The following UNC80 variants were observed in gnomAD, a reference collection of about 807,000 sequenced individuals.
The protein encoded by UNC80 is protein unc-80 homolog.
Under a neutral mutation model 384.6 loss-of-function variants are expected in UNC80, and 164 were observed. The observed-to-expected ratio is 0.43, with a 90% confidence interval of 0.38 to 0.49. The LOEUF (loss-of-function observed/expected upper bound fraction) is 0.49, where lower values mean the gene tolerates loss of function less well. Among genes scored for constraint, UNC80 ranks in the 20% least tolerant of loss-of-function variants. UNC80 has a pLI of 0.00. For synonymous variants in UNC80, 1,486 were observed against 1,527.8 expected (o/e 0.97, Z 0.64); for missense variants, 3,330 against 4,143.0 (o/e 0.80, Z 5.39).
chr2:209,898,142 A>T (rs570247857), intron 28 of UNC80, among the ~76,000 whole-genome samples: 1 of 151,994 alleles, frequency 6.6e-6, no homozygotes, highest in Admixed American at 6.6e-5. Context: ...AGAGTTTTTC[A>T]ATTTTGTCTT....
At chr2:209,916,977 G>T (rs1311917373) in intron 31 of UNC80, among the ~76,000 whole-genome samples, 1 of 152,070 alleles carries the variant, frequency 6.6e-6, no homozygotes, top group African/African-American at 2.4e-5. Context: ...AAAGAAAATC[G>T]CAAGCTAAGA....
chr2:209,824,471 G>T (rs6727370), intron 13 of UNC80, among the ~76,000 whole-genome samples: 20,858 of 152,112 alleles, frequency 0.14, 2,743 homozygotes, highest in African/African-American at 0.34. Context: ...CCCCAGGTGA[G>T]GCAAAGAGAC....
chr2:209,830,813 G>A (rs1445937976), intron 15 of UNC80, among the ~76,000 whole-genome samples: 1 of 152,178 alleles, frequency 6.6e-6, no homozygotes, highest in Non-Finnish European at 1.5e-5. Context: ...TGAGCAAGAA[G>A]GAGGTGGCTC....
intron 34 of UNC80, among the ~76,000 whole-genome samples, chr2:209,921,901 A>G (rs184237175): frequency 1.6e-4 from 25 of 152,318 alleles, no homozygotes; most frequent in African/African-American, 5.8e-4. Context: ...TAAATGAATG[A>G]TTCAGGGAAC....
intron 22 of UNC80, among the ~76,000 whole-genome samples, chr2:209,856,565 C>T (rs1317228909): frequency 6.6e-6 from 1 of 151,744 alleles, no homozygotes; most frequent in Admixed American, 6.6e-5. Flanking sequence ...ACAATTAAGT[C>T]TTTATGTTTT....
rs1482695898 is a variant in UNC80 at position 209,987,892 on chromosome 2, C to A, written c.9314+2980C>A. ...CAAAAAATAAAAAAAAATAAAAAAA[C>A]CTTTTTAAGTAGCTGAGAATTAATG... On this transcript the variant is annotated intron_variant, in intron 61 of 64. Transcript: ENST00000673920. Among the ~76,000 whole-genome samples the A allele has an allele frequency of 2.0e-5, 3 of 152,042 alleles. 1 individual carries two copies. Among genetic ancestry groups the A allele is most frequent in the Non-Finnish European group, 2.9e-5 (2 of 67,968 alleles).
In UNC80 at chr2:209,812,691, ATTGT is replaced by A. The variant is rs888860189; in HGVS notation, c.939-888_939-885del. ...GTTCTAAGTTTATATTTTGTCACTT[ATTGT>A]CTGTCTTTCTTACCAGACCACATGT... On this transcript the variant is annotated intron_variant, in intron 7 of 64. Transcript: ENST00000673920. Among the ~76,000 whole-genome samples, 25 of 151,814 alleles carry A rather than the reference ATTGT, an allele frequency of 1.6e-4. 1 individual carries two copies. In the Admixed American group the frequency reaches 1.7e-3, roughly 10 times the overall value.
At position 209,941,527 on chromosome 2, in the gene UNC80, T is replaced by C. The variant is rs549304611; in HGVS notation, c.6915+38T>C. 17 of 1,503,816 alleles carry C rather than the reference T, an allele frequency of 1.1e-5. No individual in the cohort carries two copies. The East Asian group carries it at 4.0e-4, about 35-fold the overall frequency. 93.2% of individuals were successfully genotyped at this position (1,503,816 alleles called of 1,614,324 possible). ...TCCTCTCCCAACCAGAAAATTAACA[T>C]GAGTACTGCTCATATCTAGCCGTTC... On this transcript the variant is annotated intron_variant, in intron 44 of 64. Transcript: ENST00000673920.
chr2:209,960,107 A>G (rs547109433), intron 51 of UNC80, among the ~76,000 whole-genome samples: 1 of 152,284 alleles, frequency 6.6e-6, no homozygotes, highest in African/African-American at 2.4e-5. Context: ...ATGCACAACT[A>G]CTTTCTGCTT....
intron 18 of UNC80, among the ~76,000 whole-genome samples, chr2:209,835,837 G>A (rs1013348382): frequency 2.0e-5 from 3 of 152,220 alleles, no homozygotes; most frequent in Non-Finnish European, 4.4e-5. Flanking sequence ...ACAGCTATCA[G>A]ATAGGACCTT....
chr2:209,923,758 T>C (rs1356084206), intron 35 of UNC80, among the ~76,000 whole-genome samples: 1 of 152,208 alleles, frequency 6.6e-6, no homozygotes. Context: ...TTGCTATCTG[T>C]ATGGCATATC....
chr2:209,903,917 G>A (rs1051787240), intron 28 of UNC80, among the ~76,000 whole-genome samples: 3 of 151,676 alleles, frequency 2.0e-5, no homozygotes, highest in South Asian at 2.1e-4. Context: ...GTCCCTCACC[G>A]GTTAGTTGTT....
chr2:209,855,149 C>G (rs1559206009), intron 22 of UNC80, among the ~76,000 whole-genome samples: 1 of 152,188 alleles, frequency 6.6e-6, no homozygotes, highest in Non-Finnish European at 1.5e-5. Context: ...TTTGCAGGGA[C>G]TTGAATAGGG....
chr2:209,926,693 T>C, intron 35 of UNC80, 150 bp from the exon 36 acceptor site: 1 of 927,168 alleles, frequency 1.1e-6, no homozygotes, highest in East Asian at 2.7e-5. Context: ...GGAGGATCTC[T>C]TGAGCCCAAG....
intron 15 of UNC80, among the ~76,000 whole-genome samples, chr2:209,830,832 AG>A (rs1379331397): frequency 3.3e-5 from 5 of 152,160 alleles, no homozygotes; most frequent in Non-Finnish European, 5.9e-5. Context: ...TCTGAGGAAG[AG>A]GGGAGGTTTC....
intron 39 of UNC80, among the ~76,000 whole-genome samples, chr2:209,934,575 T>C (rs2124970430): frequency 6.6e-6 from 1 of 152,284 alleles, no homozygotes; most frequent in East Asian, 1.9e-4. Flanking sequence ...AGATGATACA[T>C]GTATTGAAAT....
At chr2:209,820,213 C>G (rs1215230594) in intron 12 of UNC80, 98 bp from the exon 13 acceptor site, 3 of 1,397,456 alleles carry the variant, frequency 2.1e-6, no homozygotes, top group East Asian at 2.6e-5. Context: ...ATTTCATAGA[C>G]TAGCCTAAGG....
chr2:209,859,246 C>T (rs997010079), intron 22 of UNC80, among the ~76,000 whole-genome samples: 1 of 152,094 alleles, frequency 6.6e-6, no homozygotes, highest in Non-Finnish European at 1.5e-5. Flanking sequence ...CCCATGTGTC[C>T]TCATTGTTCA....
intron 15 of UNC80, 68 bp from the exon 16 acceptor site, chr2:209,831,375 T>C (rs2080954502): frequency 1.4e-5 from 20 of 1,449,226 alleles, no homozygotes; most frequent in Non-Finnish European, 1.6e-5. Flanking sequence ...TGCCAAGTAC[T>C]GCCTTACTCC....
Sources: gnomAD v4.1 joint callset for allele counts (sites outside exome capture counted in the v4.1 genomes callset) on GRCh38, gnomAD v4.1.1 for gene constraint, MANE v1.5 for transcripts, NCBI Gene and HGNC (gene_info 2026-07-23, HGNC 2026-07-21) for gene names.